Variants in HDAC9 observed in about 807,000 individuals in gnomAD.
The protein encoded by HDAC9 is histone deacetylase 9.
Under a neutral mutation model 139.4 loss-of-function variants are expected in HDAC9, and 41 were observed. The ratio of observed to expected loss-of-function variants is 0.29; its 90% CI spans 0.23 to 0.38. HDAC9 has a LOEUF of 0.38. Among genes scored for constraint, HDAC9 ranks in the 10% least tolerant of loss-of-function variants. The pLI is 1.00. For synonymous variants in HDAC9, 517 were observed against 476.2 expected (o/e 1.09, Z -1.12); for missense variants, 1,147 against 1,297.0 (o/e 0.88, Z 1.78).
At chr7:18,228,021 A>T (rs1305299066) in intron 2 of HDAC9, among the ~76,000 whole-genome samples, 1 of 152,146 alleles carries the variant, frequency 6.6e-6, no homozygotes, top group African/African-American at 2.4e-5. Context: ...TTCTATCCAG[A>T]ATAAATCAAA....
intron 12 of HDAC9, among the ~76,000 whole-genome samples, chr7:18,682,482 A>G (rs1781955268): frequency 6.6e-6 from 1 of 152,040 alleles, no homozygotes. Context: ...ATTTTAGAAT[A>G]AAGTTGTATC....
At chr7:18,397,726 C>T (rs1366898190) in intron 1 of HDAC9, among the ~76,000 whole-genome samples, 2 of 152,038 alleles carry the variant, frequency 1.3e-5, no homozygotes, top group African/African-American at 4.8e-5. Context: ...CTATGACATC[C>T]CTTCTCCATT....
At chr7:18,685,716 G>C (rs1440360273) in intron 12 of HDAC9, among the ~76,000 whole-genome samples, 1 of 151,914 alleles carries the variant, frequency 6.6e-6, no homozygotes, top group Non-Finnish European at 1.5e-5. Context: ...CCTCCTAAGG[G>C]GGGTGGGGTG....
upstream of HDAC9, chr7:18,290,119 A>G (rs150895469): frequency 6.8e-3 from 1,254 of 185,196 alleles, 6 homozygotes; most frequent in South Asian, 0.011. Flanking sequence ...GGAGCTGACA[A>G]ACATTCTCTT....
chr7:18,240,649 C>A (rs1794128364), intron 2 of HDAC9, among the ~76,000 whole-genome samples: 1 of 152,084 alleles, frequency 6.6e-6, no homozygotes, highest in Non-Finnish European at 1.5e-5. Context: ...GATCACGTTA[C>A]TCCTCTGCTC....
chr7:18,202,756 A>G (rs973065156), intron 2 of HDAC9, among the ~76,000 whole-genome samples: 2 of 152,174 alleles, frequency 1.3e-5, no homozygotes, highest in African/African-American at 4.8e-5. Flanking sequence ...GGGCATGTCA[A>G]GTATCTGTTA....
intron 2 of HDAC9, among the ~76,000 whole-genome samples, chr7:18,519,835 G>A (rs1337570641): frequency 6.6e-6 from 1 of 152,112 alleles, no homozygotes; most frequent in Non-Finnish European, 1.5e-5. Context: ...GGAAAACTGA[G>A]GGCAATCTAA....
intron 1 of HDAC9, among the ~76,000 whole-genome samples, chr7:18,297,476 C>T (rs1798227924): frequency 2.0e-5 from 3 of 152,146 alleles, no homozygotes; most frequent in Non-Finnish European, 1.5e-5. Context: ...TGACTGCTCT[C>T]CTTGCCAATC....
chr7:18,810,388 C>T (rs1280949091), intron 17 of HDAC9, among the ~76,000 whole-genome samples: 1 of 151,758 alleles, frequency 6.6e-6, no homozygotes, highest in Non-Finnish European at 1.5e-5. Flanking sequence ...TATGTGGGCA[C>T]CTTTGGGGAA....
chr7:18,636,194 T>C (rs150944649), intron 8 of HDAC9, among the ~76,000 whole-genome samples: 159 of 152,188 alleles, frequency 1.0e-3, no homozygotes, highest in East Asian at 7.8e-4. Flanking sequence ...GATAATCTAA[T>C]AGGAGATCCT....
In HDAC9 at chr7:18,269,195, A is replaced by G. The variant is rs534174476; in HGVS notation, c.25+106846A>G. On this transcript the variant is annotated intron_variant, in intron 2 of 12. Transcript: ENST00000417496. ...TTTGCAGATATACACACATATATAC[A>G]TACACATATATGGAATATGTAACGT... is the stretch of plus-strand genomic sequence containing the variant. Among the ~76,000 whole-genome samples the G allele has an allele frequency of 6.6e-5, 10 of 152,304 alleles. No homozygotes were observed. In the East Asian group the frequency reaches 1.7e-3, roughly 26 times the overall value.
chr7:18,729,170 C>T (rs1448733041), intron 13 of HDAC9, among the ~76,000 whole-genome samples: 4 of 152,124 alleles, frequency 2.6e-5, no homozygotes, highest in Non-Finnish European at 1.5e-5. Flanking sequence ...ATTACTTACT[C>T]TCTATTCTTT....
chr7:18,904,816 C>T, intron 22 of HDAC9, among the ~76,000 whole-genome samples: 1 of 152,014 alleles, frequency 6.6e-6, no homozygotes, highest in Non-Finnish European at 1.5e-5. Context: ...ACCTCGTGAT[C>T]CGCCCGCCTC....
At chr7:18,562,619 T>G (rs912276793) in intron 2 of HDAC9, among the ~76,000 whole-genome samples, 54 of 152,310 alleles carry the variant, frequency 3.5e-4, no homozygotes, top group East Asian at 1.5e-3. Flanking sequence ...TGTACATCTG[T>G]CCTTCTGCCA....
intron 2 of HDAC9, among the ~76,000 whole-genome samples, chr7:18,237,738 C>T (rs182242258): frequency 1.3e-5 from 2 of 152,268 alleles, no homozygotes; most frequent in Admixed American, 1.3e-4. Context: ...ATGAATTAAA[C>T]TTTAGGACTG....
chr7:18,273,055 C>CTTTTTTTTTTTTTT (rs1491175072), intron 2 of HDAC9, among the ~76,000 whole-genome samples: 3 of 68,234 alleles, frequency 4.4e-5, no homozygotes, highest in African/African-American at 6.4e-5. Flanking sequence ...TCCCCTTCTT[C>CTTTTTTTTTTTTTT]GTTTTTTTTT....
chr7:18,221,095 C>T (rs1374168935), intron 2 of HDAC9, among the ~76,000 whole-genome samples: 1 of 146,940 alleles, frequency 6.8e-6, no homozygotes, highest in African/African-American at 2.7e-5. Context: ...TAATATTTTG[C>T]ATTTCTATTC....
chr7:18,474,223 G>C (rs1389903890), intron 1 of HDAC9, among the ~76,000 whole-genome samples: 1 of 152,154 alleles, frequency 6.6e-6, no homozygotes, highest in Non-Finnish European at 1.5e-5. Flanking sequence ...GTTAATAATG[G>C]GTGAATCTAT....
intron 2 of HDAC9, among the ~76,000 whole-genome samples, chr7:18,248,272 T>C (rs1256671553): frequency 6.6e-6 from 1 of 152,248 alleles, no homozygotes; most frequent in Non-Finnish European, 1.5e-5. Context: ...CTAAAGTTGT[T>C]GCAGTGAAAT....
Sources: allele counts gnomAD v4.1 joint callset (sites outside exome capture counted in the v4.1 genomes callset), GRCh38; gene constraint gnomAD v4.1.1; transcripts MANE v1.5; gene names NCBI Gene and HGNC (gene_info 2026-07-23, HGNC 2026-07-21).